COL24A1: variants seen among roughly 807,000 people sequenced by gnomAD.
COL24A1 encodes the protein collagen type XXIV alpha 1 chain, also known as collagen alpha-1(XXIV) chain.
A neutral mutation model predicts 253.9 loss-of-function variants in COL24A1; 224 were observed. The ratio of observed to expected loss-of-function variants is 0.88; its 90% CI spans 0.79 to 0.99. COL24A1 has a LOEUF of 0.99. Ranked by LOEUF, COL24A1 falls within the 50% of genes least tolerant of loss-of-function variation. The probability of loss-of-function intolerance (pLI) is 0.00; values close to 1 mark genes in which losing one functional copy is unlikely to be tolerated. For missense variants in COL24A1, 2,131 were observed against 2,068.5 expected (o/e 1.03, Z -0.59); for synonymous variants, 685 against 673.7 (o/e 1.02, Z -0.26).
Position 85,896,347 on chromosome 1 carries a change from A to T in COL24A1, c.2832+9T>A. 4 of 1,611,360 alleles carry T rather than the reference A, an allele frequency of 2.5e-6. No individual in the cohort carries two copies. Among genetic ancestry groups the T allele is most frequent in the Non-Finnish European group, 3.4e-6 (4 of 1,177,630 alleles). Reference sequence around the variant, plus strand: ...AACTACATATGAAATGAGAAAAATCAATGATTACCTTGGCACCTTGTATAC... The same window carrying T: ...AACTACATATGAAATGAGAAAAATCTATGATTACCTTGGCACCTTGTATAC... On this transcript the variant is annotated intron_variant, in intron 29 of 59. Transcript: ENST00000370571.
intron 6 of COL24A1, 45 bp downstream of exon 6, chr1:86,092,222 C>T: frequency 7.1e-7 from 1 of 1,413,378 alleles, no homozygotes; most frequent in Non-Finnish European, 9.8e-7. Context: ...TTTTAAAATG[C>T]TTGAAATATA....
chr1:85,880,007 G>T (rs752720454), intron 32 of COL24A1, among the ~76,000 whole-genome samples: 4 of 152,016 alleles, frequency 2.6e-5, no homozygotes, highest in Admixed American at 6.6e-5. Context: ...GGCTATTCTG[G>T]GTCTTTTGCC....
intron 47 of COL24A1, among the ~76,000 whole-genome samples, chr1:85,810,677 T>C (rs551908877): frequency 1.7e-4 from 26 of 152,088 alleles, no homozygotes; most frequent in Non-Finnish European, 2.1e-4. Context: ...GTTATTTAAA[T>C]GTACATGGCA....
At chr1:86,117,168 A>G (rs1434298023) in intron 3 of COL24A1, among the ~76,000 whole-genome samples, 1 of 152,250 alleles carries the variant, frequency 6.6e-6, no homozygotes, top group Non-Finnish European at 1.5e-5. Flanking sequence ...TATTCCATTC[A>G]CATTGGAAAG....
At chr1:86,048,522 G>C (rs182970142) in intron 11 of COL24A1, among the ~76,000 whole-genome samples, 6 of 147,166 alleles carry the variant, frequency 4.1e-5, no homozygotes, top group African/African-American at 1.5e-4. Context: ...ATGGAGTCTT[G>C]CTCTGTTGCC....
intron 52 of COL24A1, among the ~76,000 whole-genome samples, chr1:85,778,313 A>T (rs1377781189): frequency 6.6e-6 from 1 of 152,020 alleles, no homozygotes; most frequent in Non-Finnish European, 1.5e-5. Flanking sequence ...TATATTGCCA[A>T]GGCTGGTCTA....
intron 31 of COL24A1, among the ~76,000 whole-genome samples, chr1:85,890,733 C>T (rs1683034492): frequency 6.6e-6 from 1 of 152,062 alleles, no homozygotes. Context: ...TATAAAGTTT[C>T]CTTTTTCCAA....
chr1:86,084,069 T>C (rs1376638064), intron 7 of COL24A1, among the ~76,000 whole-genome samples: 1 of 152,096 alleles, frequency 6.6e-6, no homozygotes, highest in Non-Finnish European at 1.5e-5. Flanking sequence ...CACCAATGCA[T>C]TGAGGAATAC....
In COL24A1 at chr1:86,125,618, GT is replaced by G; in HGVS notation, c.717del (p.Lys239AsnfsTer56). Reference sequence around the variant, plus strand: ...TATTTGTCTGCTTGGCGACACTGCTGTTTCACATATCTGCAGTAGTCTGCAG... The same window carrying G: ...TATTTGTCTGCTTGGCGACACTGCTGTTCACATATCTGCAGTAGTCTGCAG... Reference protein sequence around the residue: ...EASADYCRYVKQQCRQADKYQ... With the variant: ...EASADYCRYVXQQCRQADKYQ... On this transcript the variant is annotated frameshift_variant, in exon 3 of 60. Coordinates refer to ENST00000370571, the MANE Select transcript of COL24A1 (RefSeq NM_152890.7). LOFTEE classifies it high-confidence loss of function. 1 of 1,613,206 alleles carries G rather than the reference GT, an allele frequency of 6.2e-7. No homozygotes were observed. The highest frequency in any genetic ancestry group is 8.5e-7 in the Non-Finnish European group (1 of 1,179,578).
intron 2 of COL24A1, among the ~76,000 whole-genome samples, chr1:86,130,504 C>A (rs990608873): frequency 6.6e-6 from 1 of 151,756 alleles, no homozygotes. Context: ...TAAGGGTTTC[C>A]TTTAAAATTT....
intron 47 of COL24A1, among the ~76,000 whole-genome samples, chr1:85,797,605 G>A (rs1159116589): frequency 1.3e-5 from 2 of 152,160 alleles, no homozygotes; most frequent in Non-Finnish European, 2.9e-5. Flanking sequence ...TTTGAATTCT[G>A]ATTGGATTAC....
chr1:85,861,746 CA>C (rs142827465), intron 37 of COL24A1, among the ~76,000 whole-genome samples: 3,453 of 152,194 alleles, frequency 0.023, 129 homozygotes, highest in African/African-American at 0.078. Flanking sequence ...TTGAGATAGC[CA>C]ATAACACTAA....
At chr1:85,857,100 T>C (rs1019689599) in intron 37 of COL24A1, among the ~76,000 whole-genome samples, 2 of 152,158 alleles carry the variant, frequency 1.3e-5, no homozygotes, top group Non-Finnish European at 2.9e-5. Flanking sequence ...GAGAGAGATC[T>C]TTTTTGCAAT....
intron 24 of COL24A1, among the ~76,000 whole-genome samples, chr1:85,953,023 C>T (rs2100596680): frequency 6.6e-6 from 1 of 152,232 alleles, no homozygotes; most frequent in African/African-American, 2.4e-5. Context: ...ACCTTTGCCC[C>T]TTCCATTATT....
intron 24 of COL24A1, among the ~76,000 whole-genome samples, chr1:85,920,307 A>G (rs1298752481): frequency 1.3e-5 from 2 of 152,212 alleles, no homozygotes; most frequent in Admixed American, 1.3e-4. Flanking sequence ...TGAAATGGTG[A>G]AAGTGTATTC....
intron 5 of COL24A1, among the ~76,000 whole-genome samples, chr1:86,095,730 G>A (rs748348378): frequency 6.6e-5 from 10 of 151,862 alleles, no homozygotes; most frequent in African/African-American, 9.7e-5. Flanking sequence ...CCTCAGTACC[G>A]ACTTCCACTT....
At chr1:85,827,699 A>AAG (rs1454222058) in intron 43 of COL24A1, among the ~76,000 whole-genome samples, 1 of 151,512 alleles carries the variant, frequency 6.6e-6, no homozygotes, top group African/African-American at 2.4e-5. Flanking sequence ...TAGATTTTCT[A>AAG]GTTTATTTGC....
At chr1:85,873,794 C>A (rs536466551) in intron 35 of COL24A1, among the ~76,000 whole-genome samples, 1 of 150,564 alleles carries the variant, frequency 6.6e-6, no homozygotes, top group East Asian at 2.0e-4. Context: ...CAAACCTGCA[C>A]GTTGTGCACA....
intron 43 of COL24A1, among the ~76,000 whole-genome samples, chr1:85,837,214 T>G (rs1309836501): frequency 6.6e-6 from 1 of 152,092 alleles, no homozygotes; most frequent in Non-Finnish European, 1.5e-5. Flanking sequence ...TTATGTAAAT[T>G]GGAAACAGAA....
Sources: gnomAD v4.1 joint callset for allele counts (sites outside exome capture counted in the v4.1 genomes callset) on GRCh38, gnomAD v4.1.1 for gene constraint, MANE v1.5 for transcripts, NCBI Gene and HGNC (gene_info 2026-07-23, HGNC 2026-07-21) for gene names.